SNRPN: variants seen among roughly 807,000 people sequenced by gnomAD.
The protein encoded by SNRPN is small nuclear ribonucleoprotein-associated protein N.
In SNRPN, 7 loss-of-function variants were observed where a neutral mutation model predicts 25.2. That is an observed-to-expected ratio of 0.28 (90% CI 0.16 to 0.52). SNRPN has a LOEUF of 0.52. Ranked by LOEUF, SNRPN falls within the 20% of genes least tolerant of loss-of-function variation. The probability of loss-of-function intolerance (pLI) is 0.96; values close to 1 mark genes in which losing one functional copy is unlikely to be tolerated. For synonymous variants in SNRPN, 124 were observed against 110.6 expected (o/e 1.12, Z -0.76); for missense variants, 196 against 322.5 (o/e 0.61, Z 3.00).
At chr15:24,960,131 G>T (rs929665098) in intron 1 of SNRPN, among the ~76,000 whole-genome samples, 1 of 152,092 alleles carries the variant, frequency 6.6e-6, no homozygotes, top group Non-Finnish European at 1.5e-5. Flanking sequence ...TGGGTGTGGT[G>T]GTGCATGCCT....
chr15:24,882,882 T>C (rs1022976820), intron 1 of SNRPN, among the ~76,000 whole-genome samples: 1 of 151,264 alleles, frequency 6.6e-6, no homozygotes, highest in Non-Finnish European at 1.5e-5. Flanking sequence ...ATCTAATCTA[T>C]TGAATATCAT....
rs566887175 is a variant in SNRPN at position 24,871,347 on chromosome 15, GGA to G, written c.-579+14635_-579+14636del. 7.9e-5 allele frequency among the ~76,000 whole-genome samples: 12 copies of G among 151,990 alleles called. No individual in the cohort carries two copies. The South Asian group carries it at 2.3e-3, about 29-fold the overall frequency. On this transcript the variant is annotated intron_variant, in intron 1 of 11. Transcript: ENST00000400097. ...CTTCACCTATTTCACTGTCCTCCTT[GGA>G]GAGTCCCTAGTTAGCATTAATCTGT...
In SNRPN at chr15:24,905,133, A is replaced by T. The variant is rs868790332; in HGVS notation, c.-504-14878A>T. 4.9e-3 allele frequency among the ~76,000 whole-genome samples: 742 copies of T among 151,262 alleles called. 10 individuals are homozygous for T. The highest frequency in any genetic ancestry group is 0.017 in the African/African-American group (719 of 41,252). On this transcript the variant is annotated intron_variant, in intron 2 of 11. Transcript: ENST00000400097. ...GTCTCAAAAAAAAAAAAAAAAAATT[A>T]AAAATTAAATCCACCAAATTAGCTC...
At chr15:24,845,927 A>G (rs1409848049) in intron 2 of SNRPN, among the ~76,000 whole-genome samples, 1 of 151,914 alleles carries the variant, frequency 6.6e-6, no homozygotes, top group Non-Finnish European at 1.5e-5. Context: ...TCTACTAAAA[A>G]TACAAAAATT....
At chr15:24,833,409 T>C (rs1245495326) in intron 2 of SNRPN, among the ~76,000 whole-genome samples, 1 of 152,082 alleles carries the variant, frequency 6.6e-6, no homozygotes, top group Non-Finnish European at 1.5e-5. Context: ...CTGACCTCAC[T>C]GGTGAGAATA....
At chr15:24,951,004 G>A (rs1263190986), upstream of SNRPN, among the ~76,000 whole-genome samples, 1 of 151,780 alleles carries the variant, frequency 6.6e-6, no homozygotes, top group East Asian at 1.9e-4. Flanking sequence ...GACTGCAGGC[G>A]CCCGCCACCA....
At chr15:24,866,621 A>G (rs192942458) in intron 1 of SNRPN, among the ~76,000 whole-genome samples, 1 of 152,278 alleles carries the variant, frequency 6.6e-6, no homozygotes, top group East Asian at 1.9e-4. Flanking sequence ...CATATGGTAC[A>G]ATAGATCTCT....
rs888484864 is a variant in SNRPN at position 24,930,031 on chromosome 15, C to T, written c.-391+9907C>T. Among the ~76,000 whole-genome samples, 6 of 151,968 alleles carry T rather than the reference C, an allele frequency of 3.9e-5. No individual in the cohort carries two copies. The East Asian group carries it at 1.2e-3, about 30-fold the overall frequency. On this transcript the variant is annotated intron_variant, in intron 3 of 11. Coordinates refer to the SNRPN transcript ENST00000400097. ...TGAAACCCTGTCTCCACCAAAAATA[C>T]AAAAAATTCTCTGGGCGTGGTGGCA...
At chr15:24,916,922 A>G (rs1398876885) in intron 2 of SNRPN, among the ~76,000 whole-genome samples, 1 of 152,220 alleles carries the variant, frequency 6.6e-6, no homozygotes, top group Non-Finnish European at 1.5e-5. Flanking sequence ...TTTCCACAGC[A>G]TAGAAGCAGA....
chr15:24,884,019 AAAG>A (rs2056969187), intron 1 of SNRPN, among the ~76,000 whole-genome samples: 1 of 145,388 alleles, frequency 6.9e-6, no homozygotes, highest in Non-Finnish European at 1.5e-5. Context: ...AAAAAAAAAA[AAAG>A]AATGTAGGGC....
intron 2 of SNRPN, among the ~76,000 whole-genome samples, chr15:24,843,819 A>ACAC (rs1555378754): frequency 6.6e-6 from 1 of 151,308 alleles, no homozygotes; most frequent in Non-Finnish European, 1.5e-5. Context: ...ACACACACAG[A>ACAC]AAACTTAGCT....
intron 1 of SNRPN, among the ~76,000 whole-genome samples, chr15:24,825,444 A>T (rs566019173): frequency 6.6e-6 from 1 of 152,220 alleles, no homozygotes; most frequent in East Asian, 1.9e-4. Context: ...TTTATTCTTC[A>T]TTGATGAGAG....
intron 2 of SNRPN, among the ~76,000 whole-genome samples, chr15:24,831,701 C>T (rs535421439): frequency 6.6e-5 from 10 of 152,042 alleles, no homozygotes; most frequent in South Asian, 6.2e-4. Context: ...TTTTAGATTC[C>T]GCTTACACAT....
At chr15:24,882,831 A>AAAAAAAAAAAAAAAAAAAAAAAATAT (rs2056838970) in intron 1 of SNRPN, among the ~76,000 whole-genome samples, 1 of 109,610 alleles carries the variant, frequency 9.1e-6, no homozygotes, top group Admixed American at 1.2e-4. Flanking sequence ...CTCAAAAAAA[A>AAAAAAAAAAAAAAAAAAAAAAAATAT]AAATATATAT....
chr15:24,926,696 A>G (rs1342345490), intron 3 of SNRPN, among the ~76,000 whole-genome samples: 2 of 151,974 alleles, frequency 1.3e-5, no homozygotes, highest in Non-Finnish European at 2.9e-5. Context: ...AACAACCTTA[A>G]ACTTACAGAA....
intron 2 of SNRPN, among the ~76,000 whole-genome samples, chr15:24,901,626 ATTGATT>A (rs930449974): frequency 6.6e-6 from 1 of 152,026 alleles, no homozygotes; most frequent in African/African-American, 2.4e-5. Flanking sequence ...TACCGCAGGT[ATTGATT>A]TTGAAGTTAC....
At chr15:24,951,696 C>T (rs879728430), upstream of SNRPN, among the ~76,000 whole-genome samples, 2 of 151,920 alleles carry the variant, frequency 1.3e-5, no homozygotes, top group African/African-American at 2.4e-5. Context: ...CTAATAAAGA[C>T]GGGGTTTCAC....
intron 3 of SNRPN, among the ~76,000 whole-genome samples, chr15:24,940,237 A>G (rs2061471913): frequency 6.6e-6 from 1 of 152,110 alleles, no homozygotes; most frequent in Non-Finnish European, 1.5e-5. Flanking sequence ...ACTCCAGTTT[A>G]TCTATTTTTG....
chr15:24,968,996 T>G (rs2076053179), intron 3 of SNRPN, among the ~76,000 whole-genome samples: 1 of 152,156 alleles, frequency 6.6e-6, no homozygotes, highest in East Asian at 1.9e-4. Flanking sequence ...TATTTACTTT[T>G]TACAAAGTAA....
Sources: allele counts gnomAD v4.1 joint callset (sites outside exome capture counted in the v4.1 genomes callset), GRCh38; gene constraint gnomAD v4.1.1; transcripts MANE v1.5; gene names NCBI Gene and HGNC (gene_info 2026-07-23, HGNC 2026-07-21).